Variants in NADK2 observed in about 807,000 individuals in gnomAD.
NADK2 encodes NAD kinase domain-containing protein 1, mitochondrial.
Under a neutral mutation model 62.1 loss-of-function variants are expected in NADK2, and 35 were observed. The ratio of observed to expected loss-of-function variants is 0.56; its 90% CI spans 0.43 to 0.75. The LOEUF (loss-of-function observed/expected upper bound fraction) is 0.75, where lower values mean the gene tolerates loss of function less well. Ranked by LOEUF, NADK2 falls within the 30% of genes least tolerant of loss-of-function variation. NADK2 has a pLI of 0.00. For missense variants in NADK2, 439 were observed against 561.3 expected (o/e 0.78, Z 2.20); for synonymous variants, 205 against 207.9 (o/e 0.99, Z 0.12).
In NADK2 at chr5:36,241,695, G is replaced by A. The variant is rs1212755174; in HGVS notation, c.104C>T (p.Pro35Leu). The change falls in exon 1 of 12, where the codon CCC becomes CTC. Residue 35 changes from proline (P) to leucine (L), a missense_variant. Pro to Leu is a moderately conservative substitution (Grantham distance 98, BLOSUM62 -3). Transcript: ENST00000381937. The surrounding 1 kb of genome is among the most constrained non-coding windows in gnomAD (Gnocchi z 4.9). ...GPGAGGPAAR[P>L]RLGGDGGGRR... Reference sequence around the variant, plus strand: ...GCCGCCACCGTCACCGCCCAGCCGGGGCCGCGCGGCGGGGCCTCCCGCACC... The same window carrying A: ...GCCGCCACCGTCACCGCCCAGCCGGAGCCGCGCGGCGGGGCCTCCCGCACC... 8.8e-7 allele frequency: 1 copy of A among 1,137,554 alleles called. No individual in the cohort carries two copies. The highest frequency in any genetic ancestry group is 1.1e-6 in the Non-Finnish European group (1 of 931,548). The allele number at this position is 1,137,554 out of a possible 1,614,324, so 70.5% of individuals were successfully genotyped here. A position where few individuals can be genotyped will look rare whatever the true frequency, so the allele number is the denominator to read the frequency against.
chr5:36,216,714 G>A (rs1262763970), intron 6 of NADK2, among the ~76,000 whole-genome samples: 1 of 152,046 alleles, frequency 6.6e-6, no homozygotes, highest in Non-Finnish European at 1.5e-5. Context: ...TCTGAGCAGT[G>A]ACTCTTTATA....
At chr5:36,200,754 C>T (rs1481247828) in intron 9 of NADK2, among the ~76,000 whole-genome samples, 2 of 151,940 alleles carry the variant, frequency 1.3e-5, no homozygotes, top group East Asian at 3.9e-4. Flanking sequence ...ATTAGATCGA[C>T]TGTCATGGTA....
chr5:36,241,532 G>A lies in NADK2; in HGVS notation c.267C>T (p.Tyr89=). ...RYEFEQQRYR[Y]AELSEEDLKQ... is the part of the protein sequence containing the mutation. ...TCAGGTCCTCCTCCGAGAGCTCCGC[G>A]TAACGGTACCGCTGCTGCTCGAACT... The change falls in exon 1 of 12, where the codon TAC becomes TAT. Residue 89 remains tyrosine (Y), a synonymous_variant. Coordinates refer to ENST00000381937, the MANE Select transcript of NADK2 (RefSeq NM_001085411.3). The surrounding 1 kb of genome is among the most constrained non-coding windows in gnomAD (Gnocchi z 4.9). The A allele has an allele frequency of 6.4e-7, 1 of 1,568,862 alleles. No homozygotes were observed. The highest frequency in any genetic ancestry group is 2.4e-5 in the East Asian group (1 of 41,342).
intron 3 of NADK2, 148 bp from the exon 4 acceptor site, chr5:36,225,771 C>T (rs1359557415): frequency 1.6e-6 from 1 of 607,200 alleles, no homozygotes; most frequent in Non-Finnish European, 2.9e-6. Context: ...ACCTATTATA[C>T]CTTTGGATTC....
At chr5:36,235,929 G>A (rs962888061) in intron 1 of NADK2, among the ~76,000 whole-genome samples, 17 of 150,842 alleles carry the variant, frequency 1.1e-4, no homozygotes, top group Admixed American at 1.1e-3. Context: ...TTCCTAAAGC[G>A]TGAAATAACT....
At chr5:36,196,206 AG>A (rs1436853699) in intron 11 of NADK2, among the ~76,000 whole-genome samples, 1 of 152,202 alleles carries the variant, frequency 6.6e-6, no homozygotes, top group East Asian at 1.9e-4. Context: ...TGCTATGTGC[AG>A]GTTTGCTAGG....
chr5:36,196,246 T>A (rs562007545), intron 11 of NADK2, among the ~76,000 whole-genome samples: 1 of 152,222 alleles, frequency 6.6e-6, no homozygotes, highest in African/African-American at 2.4e-5. Flanking sequence ...CCAAGCTATA[T>A]ATTCCTAACA....
At chr5:36,218,113 T>C in intron 5 of NADK2, 1 of 385,432 alleles carries the variant, frequency 2.6e-6, no homozygotes, top group East Asian at 4.2e-5. Context: ...TTGTACAAAA[T>C]CTCCCAAGTA....
chr5:36,196,674 T>C (rs933009428), intron 11 of NADK2, among the ~76,000 whole-genome samples: 21 of 152,148 alleles, frequency 1.4e-4, no homozygotes, highest in Admixed American at 3.9e-4. Context: ...TTTTATGACA[T>C]GTTTAAGAAA....
chr5:36,227,673 AT>A, intron 1 of NADK2, 108 bp from the exon 2 acceptor site: 1 of 501,454 alleles, frequency 2.0e-6, no homozygotes, highest in Non-Finnish European at 3.1e-6. Flanking sequence ...TTGAAAATAT[AT>A]TTTAATAACT....
chr5:36,224,765 C>T (rs914351933), intron 4 of NADK2, among the ~76,000 whole-genome samples: 1 of 151,962 alleles, frequency 6.6e-6, no homozygotes, highest in African/African-American at 2.4e-5. Flanking sequence ...TAGGGAATTC[C>T]AGATCACCAT....
At chr5:36,229,971 G>T (rs1747645460) in intron 1 of NADK2, among the ~76,000 whole-genome samples, 1 of 151,190 alleles carries the variant, frequency 6.6e-6, no homozygotes, top group Non-Finnish European at 1.5e-5. Flanking sequence ...TCTTATATTT[G>T]ATCCAAGCAC....
chr5:36,201,826 T>C (rs1746459743), intron 8 of NADK2, among the ~76,000 whole-genome samples: 1 of 152,056 alleles, frequency 6.6e-6, no homozygotes, highest in African/African-American at 2.4e-5. Flanking sequence ...AGAAATCTTT[T>C]ACATGTGCAA....
chr5:36,236,867 CAAA>C (rs5867308), intron 1 of NADK2, among the ~76,000 whole-genome samples: 3 of 95,698 alleles, frequency 3.1e-5, no homozygotes, highest in African/African-American at 8.1e-5. Flanking sequence ...AGCTTAACCT[CAAA>C]AAAAAAAAAA....
At chr5:36,206,710 T>C (rs1333957375) in intron 8 of NADK2, among the ~76,000 whole-genome samples, 10 of 152,016 alleles carry the variant, frequency 6.6e-5, no homozygotes, top group Admixed American at 6.6e-4. Flanking sequence ...AGAAAAGGTA[T>C]GTTTGGGAGG....
At chr5:36,220,847 G>A (rs1405189512) in intron 4 of NADK2, among the ~76,000 whole-genome samples, 1 of 152,194 alleles carries the variant, frequency 6.6e-6, no homozygotes, top group Non-Finnish European at 1.5e-5. Flanking sequence ...TGGCAAATTG[G>A]TGCTGGCCAT....
At chr5:36,199,032 T>C (rs1020502340) in intron 10 of NADK2, among the ~76,000 whole-genome samples, 3 of 150,492 alleles carry the variant, frequency 2.0e-5, no homozygotes, top group East Asian at 3.9e-4. Flanking sequence ...AGGGGAACAT[T>C]ACACACTGGG....
At chr5:36,198,343 C>A (rs980345163) in intron 10 of NADK2, among the ~76,000 whole-genome samples, 3 of 151,914 alleles carry the variant, frequency 2.0e-5, no homozygotes, top group East Asian at 3.9e-4. Flanking sequence ...ATTTGAATTA[C>A]TGACTTTAAA....
intron 4 of NADK2, among the ~76,000 whole-genome samples, chr5:36,223,961 A>T (rs1747376172): frequency 6.6e-6 from 1 of 152,180 alleles, no homozygotes; most frequent in South Asian, 2.1e-4. Context: ...TTTTTAAGCA[A>T]GAGAAAAGGT....
Sources: allele counts gnomAD v4.1 joint callset (sites outside exome capture counted in the v4.1 genomes callset), GRCh38; gene constraint gnomAD v4.1.1; non-coding constraint Gnocchi (gnomAD v3.1); transcripts MANE v1.5; gene names NCBI Gene and HGNC (gene_info 2026-07-23, HGNC 2026-07-21).